The following NUMBL variants were observed in gnomAD, a reference collection of about 807,000 sequenced individuals.
NUMBL encodes the protein NUMB like endocytic adaptor protein, also known as numb-like protein.
Under a neutral mutation model 48.9 loss-of-function variants are expected in NUMBL, and 20 were observed. The ratio of observed to expected loss-of-function variants is 0.41; its 90% CI spans 0.29 to 0.59. NUMBL has a LOEUF of 0.59. NUMBL is among the 20% of genes least tolerant of loss of function. The pLI is 0.31. For synonymous variants in NUMBL, 340 were observed against 348.7 expected (o/e 0.98, Z 0.28); for missense variants, 660 against 846.2 (o/e 0.78, Z 2.73).
At position 40,680,934 on chromosome 19, in the gene NUMBL, G is replaced by C; in HGVS notation, c.523C>G (p.Leu175Val). 1 of 1,614,220 alleles carries C rather than the reference G, an allele frequency of 6.2e-7. No homozygotes were observed. Among genetic ancestry groups the C allele is most frequent in the Non-Finnish European group, 8.5e-7 (1 of 1,180,034 alleles). The change falls in exon 6 of 10, where the codon CTG becomes GTG. Residue 175 changes from leucine (L) to valine (V), a missense_variant. By Grantham distance (32) the Leu-to-Val change is conservative. This residue lies in a region of NUMBL where 278 missense variants were observed against 420.6 expected (regional missense o/e 0.66). Transcript: ENST00000252891. ...TTRRWICHCFLALKDSGERLS... is the reference protein window; with the variant it reads ...TTRRWICHCFVALKDSGERLS... ...ATACTCACGGAGTCCTTCAGTGCCA[G>C]AAAACAGTGGCAGATCCAGCGGCGG...
chr19:40,677,787 G>A (rs1324489879), intron 6 of NUMBL, among the ~76,000 whole-genome samples: 1 of 152,124 alleles, frequency 6.6e-6, no homozygotes, highest in African/African-American at 2.4e-5. Flanking sequence ...GGTCAAGGCT[G>A]CAAGCAGCTA....
chr19:40,684,720 CAG>C (rs971681737), intron 2 of NUMBL, 164 bp from the exon 3 acceptor site: 58 of 990,590 alleles, frequency 5.9e-5, no homozygotes, highest in Non-Finnish European at 7.5e-5. Context: ...CAGCTCAAGT[CAG>C]GGGACAGTGA....
rs892942196 is a variant in NUMBL, at chr19:40,690,556, T to C, written c.-73A>G. 54 of 975,336 alleles carry C rather than the reference T, an allele frequency of 5.5e-5. No homozygotes were observed. In the African/African-American group the frequency reaches 6.1e-4, roughly 11 times the overall value. The allele number at this position is 975,336 out of a possible 1,614,324, so 60.4% of individuals were successfully genotyped here. ...TCCCCGACTGCTGCTGCTGCGGTGG[T>C]GGCGGCGGCAGCTCGGTCTGACGCC... On this transcript the variant is annotated 5_prime_UTR_variant, in exon 1 of 10. Transcript: ENST00000252891.
At position 40,668,130 on chromosome 19, in the gene NUMBL, C is replaced by T. The variant is rs772516786; in HGVS notation, c.1168G>A (p.Ala390Thr). ...GPPPATTGTSAWGEPSVPPAA... is the reference protein window; with the variant it reads ...GPPPATTGTSTWGEPSVPPAA... ...GGGGGCACGGAGGGCTCACCCCAGG[C>T]AGAAGTCCCTGGAGAGAGGAGAGGG... The change falls in exon 10 of 10, where the codon GCC becomes ACC. Residue 390 changes from alanine to threonine, a missense_variant. By Grantham distance (58) the Ala-to-Thr change is moderately conservative. Around this residue, in one of 3 missense-constraint regions of NUMBL, gnomAD observed 296 missense variants for 339.7 expected, o/e 0.87. Transcript: ENST00000252891. 1 of 1,597,850 alleles carries T rather than the reference C, an allele frequency of 6.3e-7. No homozygotes were observed. Among genetic ancestry groups the T allele is most frequent in the Non-Finnish European group, 8.5e-7 (1 of 1,171,754 alleles).
Position 40,677,225 on chromosome 19 carries a change from C to T in NUMBL, c.730+7G>A. 6.4e-7 allele frequency: 1 copy of T among 1,552,532 alleles called. No homozygotes were observed. The highest frequency in any genetic ancestry group is 8.7e-7 in the Non-Finnish European group (1 of 1,148,624). ...TGTGCTCTGCTGGCGCTTGGGGCAACACCCACCTTTCTTCTTGTCCGGGGC... is the reference window on the plus strand; with the variant it reads ...TGTGCTCTGCTGGCGCTTGGGGCAATACCCACCTTTCTTCTTGTCCGGGGC... On this transcript the variant is annotated splice_region_variant and intron_variant, in intron 7 of 9. Transcript: ENST00000252891.
At position 40,689,177 on chromosome 19, in the gene NUMBL, G is replaced by A. The variant is rs140155086; in HGVS notation, c.24+1283C>T. The stretch of plus-strand genomic sequence containing the variant: ...TCCACCCACGTCCTGTCAGTCACAC[G>A]CATGCCCACCCCCAGACTCAACACA... On this transcript the variant is annotated intron_variant, in intron 1 of 9. Coordinates refer to ENST00000252891, the MANE Select transcript of NUMBL (RefSeq NM_004756.5). 2.4e-4 allele frequency among the ~76,000 whole-genome samples: 37 copies of A among 152,114 alleles called. 1 individual carries two copies. The highest frequency in any genetic ancestry group is 5.3e-4 in the Non-Finnish European group (36 of 68,002).
At chr19:40,686,550 ATG>A (rs60843360) in intron 2 of NUMBL, among the ~76,000 whole-genome samples, 1 of 151,430 alleles carries the variant, frequency 6.6e-6, no homozygotes, top group Non-Finnish European at 1.5e-5. Context: ...TTGTCTAGGA[ATG>A]TGTGTGTGTG....
At chr19:40,671,740 G>A (rs1274189115) in intron 8 of NUMBL, among the ~76,000 whole-genome samples, 5 of 152,192 alleles carry the variant, frequency 3.3e-5, no homozygotes, top group African/African-American at 1.2e-4. Flanking sequence ...TGCAGATTTG[G>A]CATCCAGGAG....
At chr19:40,683,214 C>T (rs115019340) in intron 3 of NUMBL, among the ~76,000 whole-genome samples, 289 of 152,316 alleles carry the variant, frequency 1.9e-3, no homozygotes, top group African/African-American at 6.7e-3. Flanking sequence ...GGCCCTAACC[C>T]GGCACCGTGG....
intron 6 of NUMBL, among the ~76,000 whole-genome samples, chr19:40,678,188 G>C (rs987442021): frequency 6.6e-6 from 1 of 152,030 alleles, no homozygotes; most frequent in African/African-American, 2.4e-5. Context: ...TTCTGGGACA[G>C]GGTCTTACTC....
chr19:40,676,741 A>C (rs998739347), intron 7 of NUMBL, among the ~76,000 whole-genome samples: 1 of 152,042 alleles, frequency 6.6e-6, no homozygotes, highest in Non-Finnish European at 1.5e-5. Flanking sequence ...AAAGCCCCGA[A>C]TTGGTGGATA....
Position 40,673,333 on chromosome 19 carries a change from C to T in NUMBL, c.1036+11G>A. On this transcript the variant is annotated intron_variant, in intron 8 of 9. Coordinates refer to ENST00000252891, the MANE Select transcript of NUMBL (RefSeq NM_004756.5). The surrounding 1 kb of genome is among the most constrained non-coding windows in gnomAD (Gnocchi z 5.9). ...ATTCCAACGCCGTTTCCCACTGGGC[C>T]CAGGGCTCACCTGTGCCCTTCACCT... The T allele has an allele frequency of 2.5e-6, 4 of 1,601,478 alleles. No homozygotes were observed. The highest frequency in any genetic ancestry group is 3.4e-6 in the Non-Finnish European group (4 of 1,171,754).
chr19:40,670,166 CTG>C, intron 8 of NUMBL, 146 bp from the exon 9 acceptor site: 2 of 940,578 alleles, frequency 2.1e-6, no homozygotes, highest in South Asian at 3.6e-5. Context: ...CGCCAAATAA[CTG>C]TGCATATGTG....
chr19:40,672,335 G>A (rs1177689053), intron 8 of NUMBL, among the ~76,000 whole-genome samples: 1 of 152,176 alleles, frequency 6.6e-6, no homozygotes, highest in Non-Finnish European at 1.5e-5. Context: ...CTGGCCAAGT[G>A]CTAGAAGAAA....
At chr19:40,671,465 G>C (rs1169652519) in intron 8 of NUMBL, among the ~76,000 whole-genome samples, 1 of 152,180 alleles carries the variant, frequency 6.6e-6, no homozygotes, top group Non-Finnish European at 1.5e-5. Context: ...GGAGTGTGAG[G>C]CTTCCAAATA....
chr19:40,684,846 G>A (rs1388434048), intron 2 of NUMBL: 9 of 392,854 alleles, frequency 2.3e-5, no homozygotes, highest in Non-Finnish European at 4.1e-5. Flanking sequence ...CAGGCTTCAG[G>A]GCATTGGAGG....
rs1022247294 is a variant in NUMBL, at chr19:40,666,086, T to C, written c.*1382A>G. Reference sequence around the variant, plus strand: ...GAATTTGCCAGCATGGGCAAAGATATACTGTTACCAACCCAACTTGTTAAA... The same window carrying C: ...GAATTTGCCAGCATGGGCAAAGATACACTGTTACCAACCCAACTTGTTAAA... On this transcript the variant is annotated 3_prime_UTR_variant, in exon 10 of 10. Coordinates refer to ENST00000252891, the MANE Select transcript of NUMBL (RefSeq NM_004756.5). 1 of 151,928 alleles carries C rather than the reference T, an allele frequency of 6.6e-6. No individual in the cohort carries two copies. The highest frequency in any genetic ancestry group is 1.5e-5 in the Non-Finnish European group (1 of 67,994). The allele number at this position is 151,928 out of a possible 1,614,324, so 9.4% of individuals were successfully genotyped here.
rs1709963124 is a variant in NUMBL, at chr19:40,667,107, C to T, written c.*361G>A. ...CCCTAAGCAAGTGTCCCCCCTCCAT[C>T]CTGTCCAACACTGGAAGGTGGGGGT... On this transcript the variant is annotated 3_prime_UTR_variant, in exon 10 of 10. Transcript: ENST00000252891. The surrounding 1 kb of genome is among the most constrained non-coding windows in gnomAD (Gnocchi z 6.1). The T allele has an allele frequency of 9.9e-6, 3 of 303,924 alleles. No homozygotes were observed. The highest frequency in any genetic ancestry group is 6.2e-5 in the South Asian group (2 of 32,012). 18.8% of individuals were successfully genotyped at this position (303,924 alleles called of 1,614,324 possible).
intron 9 of NUMBL, 113 bp downstream of exon 9, chr19:40,669,785 G>T (rs1450675812): frequency 4.0e-5 from 56 of 1,399,572 alleles, no homozygotes; most frequent in Non-Finnish European, 5.2e-5. Flanking sequence ...GTGATCCATG[G>T]TTCTAAGCCT....
Sources: gnomAD v4.1 joint callset for allele counts (sites outside exome capture counted in the v4.1 genomes callset) on GRCh38, gnomAD v4.1.1 for gene constraint, gnomAD v4.1.1 regional missense constraint, Gnocchi (gnomAD v3.1) non-coding constraint, MANE v1.5 for transcripts, NCBI Gene and HGNC (gene_info 2026-07-23, HGNC 2026-07-21) for gene names.